ABI2: variants seen among roughly 807,000 people sequenced by gnomAD.
ABI2 encodes abl interactor 2.
In ABI2, 25 loss-of-function variants were observed where a neutral mutation model predicts 59.2. That is an observed-to-expected ratio of 0.42 (90% CI 0.31 to 0.59). ABI2 has a LOEUF of 0.59. ABI2 is among the 20% of genes least tolerant of loss of function. The pLI, the probability that ABI2 is intolerant of heterozygous loss-of-function variation, is 0.14. For synonymous variants in ABI2, 213 were observed against 235.5 expected (o/e 0.90, Z 0.87); for missense variants, 545 against 681.8 (o/e 0.80, Z 2.23).
chr2:203,363,509 T>TGTCCTACCTCCC (rs2093849853), intron 1 of ABI2, among the ~76,000 whole-genome samples: 1 of 150,222 alleles, frequency 6.7e-6, no homozygotes. Context: ...CTCTACCTCC[T>TGTCCTACCTCCC]CCTGTCCTAC....
chr2:203,388,340 T>C (rs1013048737), intron 4 of ABI2, among the ~76,000 whole-genome samples: 3 of 152,190 alleles, frequency 2.0e-5, no homozygotes, highest in Non-Finnish European at 2.9e-5. Context: ...CAAACAAATA[T>C]ACAGTCATTT....
intron 10 of ABI2, among the ~76,000 whole-genome samples, chr2:203,414,462 C>T (rs2097807206): frequency 1.3e-5 from 2 of 152,148 alleles, no homozygotes; most frequent in Non-Finnish European, 2.9e-5. Context: ...ACCCTCCCCT[C>T]TTCCTCCCCA....
intron 1 of ABI2, among the ~76,000 whole-genome samples, chr2:203,350,862 TTGTGTGTGTGTG>T (rs200198424): frequency 2.2e-5 from 3 of 137,808 alleles, no homozygotes; most frequent in Admixed American, 1.6e-4. Flanking sequence ...GTTGTGTGTT[TTGTGTGTGTGTG>T]TGTGTGTGTG....
At chr2:203,412,045 A>G (rs1359645919) in intron 10 of ABI2, among the ~76,000 whole-genome samples, 1 of 152,212 alleles carries the variant, frequency 6.6e-6, no homozygotes, top group African/African-American at 2.4e-5. Context: ...CCACATCACA[A>G]TAATAAGGTT....
intron 2 of ABI2, among the ~76,000 whole-genome samples, chr2:203,376,523 T>C (rs1268614594): frequency 6.6e-6 from 1 of 152,236 alleles, no homozygotes; most frequent in Admixed American, 6.5e-5. Context: ...AGATTTGATA[T>C]AAAAAGCAAC....
intron 4 of ABI2, among the ~76,000 whole-genome samples, chr2:203,387,438 C>T (rs1045143276): frequency 1.3e-5 from 2 of 152,180 alleles, no homozygotes; most frequent in African/African-American, 4.8e-5. Flanking sequence ...CTGCTTCTAC[C>T]TCCGGTGGTA....
Position 203,366,881 on chromosome 2 carries a change from C to T in ABI2, c.122C>T (p.Ala41Val), listed in dbSNP as rs749102478. 2.6e-6 allele frequency: 4 copies of T among 1,537,762 alleles called. No individual in the cohort carries two copies. The highest frequency in any genetic ancestry group is 2.4e-5 in the East Asian group (1 of 42,492). Reference protein sequence around the residue: ...DYCENNYIQSADKQRALEETK... With the variant: ...DYCENNYIQSVDKQRALEETK... ...CTGGTTTGTTTTTTTTCCCAGTCAG[C>T]AGATAAGCAGAGAGCCCTAGAAGAA... Residue 41 changes from alanine to valine, a missense_variant, in exon 2 of 12, where the codon GCA becomes GTA. Ala to Val is a moderately conservative substitution (Grantham distance 64, BLOSUM62 0). Around this residue, in one of 4 missense-constraint regions of ABI2, gnomAD observed 55 missense variants for 59.7 expected, o/e 0.92. Coordinates refer to ENST00000261018, the MANE Select transcript of ABI2 (RefSeq NM_001375670.1).
intron 1 of ABI2, among the ~76,000 whole-genome samples, chr2:203,335,865 G>T (rs949106462): frequency 6.6e-6 from 1 of 152,162 alleles, no homozygotes; most frequent in Non-Finnish European, 1.5e-5. Flanking sequence ...CTTTTTAGGT[G>T]TAAAGGTTTA....
chr2:203,390,668 A>C (rs1045081843), intron 4 of ABI2, among the ~76,000 whole-genome samples: 1 of 152,202 alleles, frequency 6.6e-6, no homozygotes, highest in African/African-American at 2.4e-5. Flanking sequence ...AAAAATAAGG[A>C]ATTGCTTAAA....
chr2:203,347,951 T>C (rs906400076), intron 1 of ABI2, among the ~76,000 whole-genome samples: 2 of 151,976 alleles, frequency 1.3e-5, no homozygotes, highest in African/African-American at 4.8e-5. Context: ...ATGAAAAAAA[T>C]GATTTGGGCT....
At chr2:203,407,668 GA>G (rs959556540) in intron 9 of ABI2, among the ~76,000 whole-genome samples, 2 of 152,134 alleles carry the variant, frequency 1.3e-5, no homozygotes, top group African/African-American at 4.8e-5. Context: ...TGTATATTGT[GA>G]AAATTACATA....
chr2:203,339,345 C>T (rs1048290053), intron 1 of ABI2, among the ~76,000 whole-genome samples: 5 of 151,528 alleles, frequency 3.3e-5, no homozygotes, highest in Admixed American at 6.6e-5. Context: ...TTTGGGAGGC[C>T]GAGGCAGGCA....
intron 11 of ABI2, among the ~76,000 whole-genome samples, chr2:203,425,812 A>G (rs976625292): frequency 1.3e-5 from 2 of 152,024 alleles, no homozygotes; most frequent in African/African-American, 4.8e-5. Context: ...ACCTGAGGTC[A>G]GGAGTTCAAG....
chr2:203,374,868 A>AC (rs2095578102), intron 2 of ABI2: 1 of 454,582 alleles, frequency 2.2e-6, no homozygotes, highest in East Asian at 7.0e-5. Flanking sequence ...GCTATCCAGT[A>AC]CAGTCAACTT....
In ABI2 at chr2:203,370,013, C is replaced by G. The variant is rs1001445810; in HGVS notation, c.285+2969C>G. On this transcript the variant is annotated intron_variant, in intron 2 of 11. Transcript: ENST00000261018. ...ATTCTTCAGACTGGAATATTATTCT[C>G]TAGTGTAGAAGAAAACATTTTCTGC... Among the ~76,000 whole-genome samples, 3 of 151,754 alleles carry G rather than the reference C, an allele frequency of 2.0e-5. 1 individual carries two copies. Among genetic ancestry groups the G allele is most frequent in the Non-Finnish European group, 4.4e-5 (3 of 67,980 alleles).
At chr2:203,356,104 C>A (rs2091847574) in intron 1 of ABI2, among the ~76,000 whole-genome samples, 1 of 152,052 alleles carries the variant, frequency 6.6e-6, no homozygotes. Flanking sequence ...TGATGATGAT[C>A]CTTCCTACGG....
At chr2:203,402,520 A>G (rs756615719) in intron 8 of ABI2, 56 bp from the exon 9 acceptor site, 4 of 1,288,236 alleles carry the variant, frequency 3.1e-6, no homozygotes, top group Non-Finnish European at 4.1e-6. Flanking sequence ...TAAAGTATTT[A>G]ATGATCTGAG....
In ABI2 at chr2:203,364,340, C is replaced by T. The variant is rs527424327; in HGVS notation, c.118-2537C>T. On this transcript the variant is annotated intron_variant, in intron 1 of 11. Transcript: ENST00000261018. The stretch of plus-strand genomic sequence containing the variant: ...AATTCCTGACCTCAAATGATCTGCC[C>T]GCCTCAGCCTCCCAAAGTGTTGGGA... Among the ~76,000 whole-genome samples, 21 of 148,366 alleles carry T rather than the reference C, an allele frequency of 1.4e-4. 1 individual carries two copies. Among genetic ancestry groups the T allele is most frequent in the South Asian group, 4.2e-4 (2 of 4,788 alleles).
chr2:203,366,262 A>G (rs998218440), intron 1 of ABI2, among the ~76,000 whole-genome samples: 1 of 152,240 alleles, frequency 6.6e-6, no homozygotes, highest in African/African-American at 2.4e-5. Flanking sequence ...GTTCGAGACC[A>G]GCTTGGGCAA....
Sources: gnomAD v4.1 joint callset for allele counts (sites outside exome capture counted in the v4.1 genomes callset) on GRCh38, gnomAD v4.1.1 for gene constraint, gnomAD v4.1.1 regional missense constraint, MANE v1.5 for transcripts, NCBI Gene and HGNC (gene_info 2026-07-23, HGNC 2026-07-21) for gene names.